PRICKLE1: variants seen among roughly 807,000 people sequenced by gnomAD.
PRICKLE1 encodes prickle planar cell polarity protein 1.
Under a neutral mutation model 70.2 loss-of-function variants are expected in PRICKLE1, and 14 were observed. The observed-to-expected ratio is 0.20, with a 90% CI of 0.13 to 0.31. The LOEUF is 0.31. Ranked by LOEUF, PRICKLE1 falls within the 10% of genes least tolerant of loss-of-function variation. The pLI is 1.00. For synonymous variants in PRICKLE1, 357 were observed against 379.9 expected, an observed-to-expected ratio of 0.94 and a Z score of 0.70; for missense variants, 821 against 1,026.2, an observed-to-expected ratio of 0.80 and a Z score of 2.73.
chr12:42,490,858 T>A (rs967125899), intron 1 of PRICKLE1, among the ~76,000 whole-genome samples: 1 of 152,112 alleles, frequency 6.6e-6, no homozygotes, highest in African/African-American at 2.4e-5. Flanking sequence ...ATTTCTAAGC[T>A]CAAACTTATT....
intron 1 of PRICKLE1, among the ~76,000 whole-genome samples, chr12:42,475,719 T>C (rs1018880423): frequency 1.3e-5 from 2 of 152,186 alleles, no homozygotes; most frequent in African/African-American, 2.4e-5. Context: ...AAAGTTTTTC[T>C]TTTTCCTTTA....
At chr12:42,510,166 C>G (rs1284922125) in intron 1 of PRICKLE1, among the ~76,000 whole-genome samples, 1 of 152,032 alleles carries the variant, frequency 6.6e-6, no homozygotes, top group Non-Finnish European at 1.5e-5. Flanking sequence ...GCCATCTCTG[C>G]TCACTGCAAG....
At chr12:42,528,372 C>T (rs545215607) in intron 1 of PRICKLE1, among the ~76,000 whole-genome samples, 1 of 151,964 alleles carries the variant, frequency 6.6e-6, no homozygotes, top group Admixed American at 6.6e-5. Context: ...CTGAGCCCAG[C>T]CCGAAAAACT....
intron 1 of PRICKLE1, among the ~76,000 whole-genome samples, chr12:42,562,056 C>T (rs913908031): frequency 6.6e-6 from 1 of 151,898 alleles, no homozygotes; most frequent in Non-Finnish European, 1.5e-5. Flanking sequence ...GGATTAGAGG[C>T]ACGTGCCACT....
intron 2 of PRICKLE1, among the ~76,000 whole-genome samples, chr12:42,470,951 G>C (rs1273677245): frequency 1.3e-5 from 2 of 152,094 alleles, no homozygotes; most frequent in East Asian, 3.9e-4. Flanking sequence ...CTTCCAAGGG[G>C]TCAGACAAGA....
chr12:42,538,356 T>G (rs1940050202), intron 1 of PRICKLE1, among the ~76,000 whole-genome samples: 1 of 152,198 alleles, frequency 6.6e-6, no homozygotes, highest in Non-Finnish European at 1.5e-5. Context: ...AAGGTTCTGT[T>G]GGATAGTGAT....
intron 5 of PRICKLE1, among the ~76,000 whole-genome samples, chr12:42,466,671 C>T (rs1025552885): frequency 2.0e-5 from 3 of 152,110 alleles, no homozygotes; most frequent in Admixed American, 6.5e-5. Flanking sequence ...TATTTTTGCT[C>T]CCCAATAACA....
intron 1 of PRICKLE1, among the ~76,000 whole-genome samples, chr12:42,576,197 G>T (rs1050174072): frequency 6.6e-6 from 1 of 152,198 alleles, no homozygotes; most frequent in African/African-American, 2.4e-5. Context: ...GCATTTGTAA[G>T]TGCAATTTCT....
At chr12:42,539,364 A>C (rs113092652) in intron 1 of PRICKLE1, among the ~76,000 whole-genome samples, 10,081 of 151,756 alleles carry the variant, frequency 0.066, 424 homozygotes, top group Middle Eastern at 0.11. Flanking sequence ...GCTACTCGGG[A>C]GGCTGAGGCA....
intron 1 of PRICKLE1, among the ~76,000 whole-genome samples, chr12:42,486,672 A>G (rs376723858): frequency 1.5e-4 from 23 of 152,350 alleles, no homozygotes; most frequent in African/African-American, 4.8e-4. Context: ...CATGTTGTGT[A>G]TATAGTGACC....
At chr12:42,462,270 G>A (rs1209854209) in intron 7 of PRICKLE1, among the ~76,000 whole-genome samples, 2 of 147,914 alleles carry the variant, frequency 1.4e-5, no homozygotes, top group Admixed American at 6.7e-5. Context: ...GTATGATCTC[G>A]GCTCACTGCA....
intron 1 of PRICKLE1, among the ~76,000 whole-genome samples, chr12:42,565,659 T>C (rs1940609715): frequency 6.6e-6 from 1 of 152,228 alleles, no homozygotes; most frequent in Non-Finnish European, 1.5e-5. Context: ...TCATTTGTTA[T>C]GTGTACTTGA....
At chr12:42,558,428 T>A (rs1490226041) in intron 1 of PRICKLE1, among the ~76,000 whole-genome samples, 2 of 152,218 alleles carry the variant, frequency 1.3e-5, no homozygotes, top group Non-Finnish European at 2.9e-5. Context: ...GCACAATGTT[T>A]CCTAAGATTT....
chr12:42,525,493 G>A (rs991467353), intron 1 of PRICKLE1, among the ~76,000 whole-genome samples: 1 of 152,132 alleles, frequency 6.6e-6, no homozygotes, highest in African/African-American at 2.4e-5. Flanking sequence ...AAGTCCTGTG[G>A]GCCTGAGCCC....
intron 1 of PRICKLE1, among the ~76,000 whole-genome samples, chr12:42,551,167 C>T (rs990910227): frequency 2.0e-5 from 3 of 152,146 alleles, no homozygotes; most frequent in African/African-American, 7.2e-5. Context: ...CAGCACCACC[C>T]TTGTTAATAT....
At chr12:42,532,850 T>C (rs1484239059) in intron 1 of PRICKLE1, among the ~76,000 whole-genome samples, 1 of 149,758 alleles carries the variant, frequency 6.7e-6, no homozygotes, top group Non-Finnish European at 1.5e-5. Flanking sequence ...TGAGCCGAGA[T>C]CGTGTCACTG....
At chr12:42,471,266 T>C (rs902376795) in intron 2 of PRICKLE1, among the ~76,000 whole-genome samples, 2 of 149,032 alleles carry the variant, frequency 1.3e-5, no homozygotes, top group Admixed American at 1.4e-4. Context: ...ACTTAATTTC[T>C]GCTTGTTTGT....
intron 1 of PRICKLE1, among the ~76,000 whole-genome samples, chr12:42,547,239 C>A (rs1442700073): frequency 6.6e-6 from 1 of 152,170 alleles, no homozygotes; most frequent in South Asian, 2.1e-4. Flanking sequence ...TTCCTAGCAA[C>A]TACTACTAGG....
At chr12:42,502,577 T>C (rs1023170730) in intron 1 of PRICKLE1, among the ~76,000 whole-genome samples, 10 of 152,120 alleles carry the variant, frequency 6.6e-5, no homozygotes, top group Non-Finnish European at 1.2e-4. Flanking sequence ...TCTCAAAGTG[T>C]TGGGGTTACA....
Sources: gnomAD v4.1 joint callset for allele counts (sites outside exome capture counted in the v4.1 genomes callset) on GRCh38, gnomAD v4.1.1 for gene constraint, MANE v1.5 for transcripts, NCBI Gene and HGNC (gene_info 2026-07-23, HGNC 2026-07-21) for gene names.